The following OR2C1 variants were observed in gnomAD, a reference collection of about 807,000 sequenced individuals.
OR2C1 encodes olfactory receptor family 2 subfamily C member 1.
For synonymous variants in OR2C1, 209 were observed against 167.3 expected (o/e 1.25, Z -1.92); for missense variants, 468 against 388.3 (o/e 1.21, Z -1.73).
At chr16:3,337,282 G>C in the OR2C1 span, among the ~76,000 whole-genome samples, 1 of 151,852 alleles carries the variant, frequency 6.6e-6, no homozygotes, top group African/African-American at 2.4e-5. Context: ...AGCCTCCCAA[G>C]TAGCTGGGAT....
At chr16:3,342,416 C>T in the OR2C1 span, among the ~76,000 whole-genome samples, 5 of 152,108 alleles carry the variant, frequency 3.3e-5, no homozygotes, top group African/African-American at 1.2e-4. Context: ...TCTCGACTGG[C>T]CTAAGAACTA....
At chr16:3,352,572 C>T (rs2030588918), upstream of OR2C1, among the ~76,000 whole-genome samples, 1 of 151,664 alleles carries the variant, frequency 6.6e-6, no homozygotes, top group Admixed American at 6.6e-5. Flanking sequence ...TTTCATTCAT[C>T]CTTAATTGAC....
the OR2C1 span, among the ~76,000 whole-genome samples, chr16:3,343,091 G>C: frequency 6.6e-6 from 1 of 152,054 alleles, no homozygotes; most frequent in Admixed American, 6.5e-5. Context: ...GAGGTAGGTG[G>C]GTGTGGTTAT....
chr16:3,355,366 G>A (rs1223844922), upstream of OR2C1, among the ~76,000 whole-genome samples: 1 of 148,300 alleles, frequency 6.7e-6, no homozygotes, highest in Non-Finnish European at 1.5e-5. Flanking sequence ...GCTGAGGCAG[G>A]AGAATTGCTT....
At chr16:3,354,788 T>C (rs1019463377), upstream of OR2C1, among the ~76,000 whole-genome samples, 9 of 152,138 alleles carry the variant, frequency 5.9e-5, no homozygotes, top group Non-Finnish European at 1.5e-5. Flanking sequence ...GCTGTTGTTT[T>C]CAAGAGATAG....
the OR2C1 span, among the ~76,000 whole-genome samples, chr16:3,329,112 C>T: frequency 2.1e-5 from 3 of 144,726 alleles, no homozygotes; most frequent in Non-Finnish European, 4.5e-5. Flanking sequence ...AATCAGTAAG[C>T]AGAAAGATCA....
At chr16:3,327,926 A>G in the OR2C1 span, among the ~76,000 whole-genome samples, 1 of 152,120 alleles carries the variant, frequency 6.6e-6, no homozygotes, top group African/African-American at 2.4e-5. Flanking sequence ...CCCTCTTAGT[A>G]AACCTGCTTG....
chr16:3,346,348 C>G, the OR2C1 span, among the ~76,000 whole-genome samples: 2 of 152,074 alleles, frequency 1.3e-5, no homozygotes, highest in Non-Finnish European at 2.9e-5. Flanking sequence ...GGTAACCAAC[C>G]TTAAAGGCAA....
Position 3,357,145 on chromosome 16 carries a change from A to G in OR2C1, c.*266A>G. 2.5e-6 allele frequency: 1 copy of G among 402,652 alleles called. No homozygotes were observed. Among genetic ancestry groups the G allele is most frequent in the East Asian group, 4.6e-5 (1 of 21,760 alleles). The allele number at this position is 402,652 out of a possible 1,614,324, so 24.9% of individuals were successfully genotyped here. A position where few individuals can be genotyped will look rare whatever the true frequency, so the allele number is the denominator to read the frequency against. ...GGCTCAGAGGTTATTGACCTGTGACAGACCTGTCTCACTGTCTCTGTCTCT... is the reference window on the plus strand; with the variant it reads ...GGCTCAGAGGTTATTGACCTGTGACGGACCTGTCTCACTGTCTCTGTCTCT... On this transcript the variant is annotated 3_prime_UTR_variant, in exon 1 of 1. Transcript: ENST00000304936.
the OR2C1 span, among the ~76,000 whole-genome samples, chr16:3,342,855 A>T: frequency 2.8e-4 from 42 of 152,254 alleles, no homozygotes; most frequent in Admixed American, 2.4e-3. Context: ...CTGGGCAACA[A>T]AGCAAGACAC....
chr16:3,350,406 T>A, the OR2C1 span, among the ~76,000 whole-genome samples: 7 of 149,398 alleles, frequency 4.7e-5, no homozygotes, highest in Admixed American at 4.7e-4. Flanking sequence ...TTTTGTTTTT[T>A]TGTTTTTTTT....
the OR2C1 span, among the ~76,000 whole-genome samples, chr16:3,329,331 G>A: frequency 6.6e-6 from 1 of 151,820 alleles, no homozygotes; most frequent in Non-Finnish European, 1.5e-5. Flanking sequence ...TCTGAAGAAT[G>A]ACCAAGAATG....
chr16:3,353,489 C>CAAAAAA (rs58703245), upstream of OR2C1, among the ~76,000 whole-genome samples: 2 of 82,964 alleles, frequency 2.4e-5, no homozygotes, highest in Non-Finnish European at 4.6e-5. Context: ...GACTCCGTCT[C>CAAAAAA]AAAAAAAAAA....
At chr16:3,332,082 G>A in the OR2C1 span, among the ~76,000 whole-genome samples, 2 of 120,130 alleles carry the variant, frequency 1.7e-5, no homozygotes, top group African/African-American at 3.1e-5. Context: ...GTTGTGGGGT[G>A]GGGGGAGGGG....
At chr16:3,341,510 T>C in the OR2C1 span, among the ~76,000 whole-genome samples, 2 of 152,210 alleles carry the variant, frequency 1.3e-5, no homozygotes, top group African/African-American at 4.8e-5. Context: ...CTTCTTTTCT[T>C]CCTGAATTCA....
At chr16:3,354,407 AT>A (rs1348669135), upstream of OR2C1, among the ~76,000 whole-genome samples, 2 of 152,188 alleles carry the variant, frequency 1.3e-5, no homozygotes, top group African/African-American at 2.4e-5. Context: ...CCCATTAACT[AT>A]TTTAACCCCT....
the OR2C1 span, among the ~76,000 whole-genome samples, chr16:3,330,064 C>T: frequency 2.0e-5 from 3 of 151,220 alleles, no homozygotes; most frequent in African/African-American, 7.3e-5. Flanking sequence ...TAAAATTTAA[C>T]AACATCAAAG....
the OR2C1 span, among the ~76,000 whole-genome samples, chr16:3,327,633 C>G: frequency 6.6e-6 from 1 of 151,048 alleles, no homozygotes; most frequent in Non-Finnish European, 1.5e-5. Context: ...ATCCCTGGAG[C>G]AAGTTATTAC....
chr16:3,344,910 G>A, the OR2C1 span, among the ~76,000 whole-genome samples: 12 of 151,690 alleles, frequency 7.9e-5, no homozygotes, highest in East Asian at 3.9e-4. Flanking sequence ...TCCCCTTTAT[G>A]GACCAGGATG....
Sources: allele counts gnomAD v4.1 joint callset (sites outside exome capture counted in the v4.1 genomes callset), GRCh38; gene constraint gnomAD v4.1.1; transcripts MANE v1.5; gene names NCBI Gene and HGNC (gene_info 2026-07-23, HGNC 2026-07-21).